Variants in FILIP1L observed in about 807,000 individuals in gnomAD.
FILIP1L encodes the protein filamin A interacting protein 1 like.
FILIP1L carries 55 observed loss-of-function variants against 96.6 expected under a neutral mutation model. The ratio of observed to expected loss-of-function variants is 0.57; its 90% confidence interval spans 0.46 to 0.71. The LOEUF (loss-of-function observed/expected upper bound fraction) is 0.71, where lower values mean the gene tolerates loss of function less well. Ranked by LOEUF, FILIP1L falls within the 30% of genes least tolerant of loss-of-function variation. FILIP1L has a pLI of 0.00. For missense variants in FILIP1L, 1,304 were observed against 1,321.2 expected (o/e 0.99, Z 0.20); for synonymous variants, 467 against 473.9 (o/e 0.99, Z 0.19).
intron 1 of FILIP1L, among the ~76,000 whole-genome samples, chr3:100,033,394 C>T (rs1197669324): frequency 1.3e-5 from 2 of 152,202 alleles, no homozygotes; most frequent in Admixed American, 1.3e-4. Context: ...AGGCTTCCAT[C>T]AAACCCTCAT....
chr3:100,013,072 T>G (rs1710208955), intron 1 of FILIP1L, among the ~76,000 whole-genome samples: 1 of 152,190 alleles, frequency 6.6e-6, no homozygotes, highest in African/African-American at 2.4e-5. Context: ...AGACAGGGTT[T>G]TGTCTTGTTG....
chr3:99,873,410 G>A (rs1408186517), intron 4 of FILIP1L, among the ~76,000 whole-genome samples: 1 of 152,206 alleles, frequency 6.6e-6, no homozygotes, highest in Non-Finnish European at 1.5e-5. Context: ...GAAGCAGGTT[G>A]AGACCAATAT....
intron 1 of FILIP1L, among the ~76,000 whole-genome samples, chr3:99,984,060 T>TGTGTGTGTGTGTGTGTGTGTGTGTG (rs1559714079): frequency 2.8e-4 from 7 of 24,974 alleles, no homozygotes; most frequent in Non-Finnish European, 5.1e-4. Flanking sequence ...GTATGTGTGT[T>TGTGTGTGTGTGTGTGTGTGTGTGTG]TGTGTGTGTG....
chr3:99,944,006 A>G (rs893842106), intron 1 of FILIP1L, among the ~76,000 whole-genome samples: 5 of 152,176 alleles, frequency 3.3e-5, no homozygotes, highest in African/African-American at 1.2e-4. Context: ...GCTTATCCTA[A>G]TGGAGATGTC....
At chr3:99,907,687 A>C (rs1469487094) in intron 4 of FILIP1L, among the ~76,000 whole-genome samples, 1 of 152,026 alleles carries the variant, frequency 6.6e-6, no homozygotes. Context: ...TTTTTGCCCT[A>C]ATCCCCTTCC....
At chr3:99,973,210 A>G (rs1708873268) in intron 1 of FILIP1L, among the ~76,000 whole-genome samples, 1 of 152,246 alleles carries the variant, frequency 6.6e-6, no homozygotes, top group Non-Finnish European at 1.5e-5. Flanking sequence ...ATATAGAAAC[A>G]TCATAAACAA....
At chr3:99,889,947 G>C (rs1471394933) in intron 4 of FILIP1L, among the ~76,000 whole-genome samples, 2 of 151,860 alleles carry the variant, frequency 1.3e-5, no homozygotes, top group African/African-American at 4.8e-5. Flanking sequence ...GCAATTATTG[G>C]TTTAGATATA....
At chr3:99,965,382 T>G (rs1031195165) in intron 1 of FILIP1L, among the ~76,000 whole-genome samples, 15 of 152,216 alleles carry the variant, frequency 9.9e-5, no homozygotes, top group African/African-American at 3.6e-4. Flanking sequence ...AGTCAGGTGC[T>G]ATGGCATGTG....
intron 5 of FILIP1L, among the ~76,000 whole-genome samples, chr3:99,840,748 A>G (rs142127041): frequency 1.4e-3 from 216 of 152,366 alleles, no homozygotes; most frequent in African/African-American, 4.9e-3. Flanking sequence ...CTTAAAGATC[A>G]CCAAGTTCAA....
In FILIP1L at chr3:99,829,530, T is replaced by C. The variant is rs1199825190; in HGVS notation, c.*884A>G. 6.6e-6 allele frequency among the ~76,000 whole-genome samples: 1 copy of C among 152,220 alleles called. No homozygotes were observed. Among genetic ancestry groups the C allele is most frequent in the Non-Finnish European group, 1.5e-5 (1 of 68,032 alleles). On this transcript the variant is annotated 3_prime_UTR_variant, in exon 6 of 6. Transcript: ENST00000477258. The stretch of plus-strand genomic sequence containing the variant: ...CTGAGGAATTATTTCACTTTCCTGT[T>C]TTACATGTGGAAACTCAAGGCTTAG...
At chr3:99,995,546 AG>A (rs768232944) in intron 1 of FILIP1L, among the ~76,000 whole-genome samples, 2 of 152,156 alleles carry the variant, frequency 1.3e-5, no homozygotes, top group South Asian at 4.1e-4. Flanking sequence ...GCAGTGCCCA[AG>A]TAGGGACTCT....
chr3:99,881,293 C>T (rs572304459), intron 4 of FILIP1L, among the ~76,000 whole-genome samples: 32 of 152,218 alleles, frequency 2.1e-4, no homozygotes, highest in African/African-American at 7.2e-4. Flanking sequence ...AGTCCATTTG[C>T]TTATTTATTC....
chr3:100,038,932 A>G (rs1054874439), intron 1 of FILIP1L, among the ~76,000 whole-genome samples: 35 of 152,322 alleles, frequency 2.3e-4, no homozygotes, highest in Non-Finnish European at 3.4e-4. Context: ...ATGAACGTAC[A>G]TGTTTGTCTG....
chr3:99,844,347 T>G (rs1333116817), intron 5 of FILIP1L, among the ~76,000 whole-genome samples: 1 of 152,228 alleles, frequency 6.6e-6, no homozygotes, highest in Non-Finnish European at 1.5e-5. Flanking sequence ...TGAGATACGC[T>G]GATCTATAAG....
intron 4 of FILIP1L, among the ~76,000 whole-genome samples, chr3:99,897,096 C>T (rs763649059): frequency 2.6e-5 from 4 of 152,086 alleles, no homozygotes; most frequent in Non-Finnish European, 4.4e-5. Flanking sequence ...TGGTGGCTCA[C>T]GCCTGTAATC....
intron 1 of FILIP1L, among the ~76,000 whole-genome samples, chr3:99,977,783 A>C (rs1479125885): frequency 1.3e-5 from 2 of 152,184 alleles, no homozygotes; most frequent in African/African-American, 4.8e-5. Context: ...TTCATAAACT[A>C]GTTAACTTAC....
chr3:99,832,704 C>A (rs1466817867), intron 5 of FILIP1L, among the ~76,000 whole-genome samples: 2 of 123,498 alleles, frequency 1.6e-5, no homozygotes, highest in Non-Finnish European at 3.3e-5. Context: ...AGCCGGGCGT[C>A]GTGGCGCACT....
At position 99,849,390 on chromosome 3, in the gene FILIP1L, T is replaced by G. The variant is rs1559656579; in HGVS notation, c.2286A>C (p.Arg762Ser). Residue 762 changes from arginine (R) to serine (S), a missense_variant, in exon 5 of 6, where the codon AGA becomes AGC. Transcript: ENST00000477258. ...ACTCCTTAGTGAGGTTTTCAATCTC[T>G]CTTCCTAAATCTCTGTTCCTGTTTT... ...QQENRNRDLGREIENLTKELE... is the reference protein window; with the variant it reads ...QQENRNRDLGSEIENLTKELE... 1 of 1,614,222 alleles carries G rather than the reference T, an allele frequency of 6.2e-7. No individual in the cohort carries two copies. Among genetic ancestry groups the G allele is most frequent in the Non-Finnish European group, 8.5e-7 (1 of 1,180,040 alleles).
At chr3:99,834,327 T>C (rs1170145525) in intron 5 of FILIP1L, among the ~76,000 whole-genome samples, 2 of 152,186 alleles carry the variant, frequency 1.3e-5, no homozygotes, top group Non-Finnish European at 2.9e-5. Flanking sequence ...TATTAAAGAG[T>C]TGTCCAATAT....
Sources: allele counts gnomAD v4.1 joint callset (sites outside exome capture counted in the v4.1 genomes callset), GRCh38; gene constraint gnomAD v4.1.1; transcripts MANE v1.5; gene names NCBI Gene and HGNC (gene_info 2026-07-23, HGNC 2026-07-21).